STX16: variants seen among roughly 807,000 people sequenced by gnomAD.
STX16 encodes the protein syntaxin 16.
A neutral mutation model predicts 42.7 loss-of-function variants in STX16; 28 were observed. The observed-to-expected ratio is 0.66, with a 90% CI of 0.49 to 0.90. The LOEUF (loss-of-function observed/expected upper bound fraction) is 0.90, where lower values mean the gene tolerates loss of function less well. Among genes scored for constraint, STX16 ranks in the 40% least tolerant of loss-of-function variants. The pLI, the probability that STX16 is intolerant of heterozygous loss-of-function variation, is 0.00. For missense variants in STX16, 361 were observed against 420.9 expected (o/e 0.86, Z 1.24); for synonymous variants, 156 against 155.2 (o/e 1.00, Z -0.04).
rs910176347 is a variant in STX16 at position 58,671,136 on chromosome 20, T to A, written c.649-18T>A. 6.2e-7 allele frequency: 1 copy of A among 1,609,218 alleles called. No homozygotes were observed. The highest frequency in any genetic ancestry group is 2.2e-5 in the East Asian group (1 of 44,838). On this transcript the variant is annotated intron_variant, in intron 6 of 8. Coordinates refer to ENST00000371141, the MANE Select transcript of STX16 (RefSeq NM_001001433.3). ...AGGGAAAACAATCTATCCAACACAT[T>A]GTGCACTGTCTTGCTAGGGTTTTAC...
intron 5 of STX16, 78 bp from the exon 6 acceptor site, chr20:58,670,434 G>A (rs1284177127): frequency 8.4e-7 from 1 of 1,188,940 alleles, no homozygotes; most frequent in Admixed American, 1.8e-5. Flanking sequence ...GTTTACTCTA[G>A]AATTCCCCCT....
chr20:58,671,424 T>TTATG (rs1555843024), intron 7 of STX16, 127 bp downstream of exon 7: 2 of 569,996 alleles, frequency 3.5e-6, no homozygotes, highest in East Asian at 5.6e-5. Flanking sequence ...CACCTGTCCT[T>TTATG]TATGTGTGTG....
chr20:58,665,606 A>G (rs1178254402), intron 2 of STX16, among the ~76,000 whole-genome samples: 3 of 152,214 alleles, frequency 2.0e-5, no homozygotes, highest in East Asian at 1.9e-4. Context: ...AATGTCAAGA[A>G]TGTAAAATTC....
chr20:58,669,205 C>G, intron 4 of STX16, 86 bp from the exon 5 acceptor site: 2 of 1,443,226 alleles, frequency 1.4e-6, no homozygotes, highest in East Asian at 2.3e-5. Flanking sequence ...GAGCCTCTCA[C>G]TTCTCACTCT....
rs6123819 is a variant in STX16 at position 58,675,930 on chromosome 20, G to C, written c.874-257G>C. 0.66 allele frequency among the ~76,000 whole-genome samples: 100,333 copies of C among 152,112 alleles called. 34,018 individuals carry two copies. The highest frequency in any genetic ancestry group is 0.81 in the African/African-American group (33,776 of 41,508). On this transcript the variant is annotated intron_variant, in intron 8 of 8. Coordinates refer to ENST00000371141, the MANE Select transcript of STX16 (RefSeq NM_001001433.3). ...GCATGAGCTTTCACTTCCCTGTCAG[G>C]CTTTGTCTTAGTAGTAGGTTTCCAA...
chr20:58,672,091 G>A (rs2083991765), intron 7 of STX16, among the ~76,000 whole-genome samples: 1 of 152,050 alleles, frequency 6.6e-6, no homozygotes, highest in Non-Finnish European at 1.5e-5. Context: ...CCAGCACTTT[G>A]GGGGGCTGAG....
intron 8 of STX16, 67 bp downstream of exon 8, chr20:58,673,778 G>A: frequency 8.4e-7 from 1 of 1,189,022 alleles, no homozygotes; most frequent in Non-Finnish European, 1.2e-6. Flanking sequence ...TTGGTAAGAG[G>A]GTTCTTTTCC....
At chr20:58,671,057 T>A in intron 6 of STX16, 97 bp from the exon 7 acceptor site, 1 of 1,216,838 alleles carries the variant, frequency 8.2e-7, no homozygotes, top group South Asian at 2.0e-5. Context: ...TTCTTTAAAT[T>A]ATTTTCATTG....
chr20:58,656,469 T>C (rs948867635), intron 1 of STX16, among the ~76,000 whole-genome samples: 1 of 152,190 alleles, frequency 6.6e-6, no homozygotes. Context: ...CAAAACAAAT[T>C]GTAAAGTCAT....
intron 2 of STX16, among the ~76,000 whole-genome samples, chr20:58,663,566 G>A (rs1601015826): frequency 6.6e-6 from 1 of 152,282 alleles, no homozygotes; most frequent in East Asian, 1.9e-4. Context: ...GTAGTTCTTG[G>A]AGAGAGGAAC....
At position 58,664,504 on chromosome 20, in the gene STX16, T is replaced by C. The variant is rs150103561; in HGVS notation, c.145-2986T>C. On this transcript the variant is annotated intron_variant, in intron 2 of 8. Transcript: ENST00000371141. ...ACTCTGATACAATGTGTGGGAAAGC[T>C]AGTACCAGCTGAGCAGGCTGGCATC... Among the ~76,000 whole-genome samples the C allele has an allele frequency of 1.6e-3, 247 of 152,356 alleles. 1 individual carries two copies. Among genetic ancestry groups the C allele is most frequent in the African/African-American group, 5.7e-3 (235 of 41,584 alleles).
intron 1 of STX16, among the ~76,000 whole-genome samples, chr20:58,655,643 T>C (rs1375001132): frequency 6.6e-6 from 1 of 152,172 alleles, no homozygotes; most frequent in Non-Finnish European, 1.5e-5. Context: ...TAAAAAGTCT[T>C]TGCCTGTTAA....
chr20:58,675,259 G>C (rs1188677062), intron 8 of STX16, among the ~76,000 whole-genome samples: 2 of 152,306 alleles, frequency 1.3e-5, no homozygotes, highest in South Asian at 4.1e-4. Context: ...CCCACCGCGG[G>C]GGATGGAGCA....
intron 1 of STX16, 166 bp downstream of exon 1, chr20:58,652,304 T>C: frequency 9.7e-7 from 1 of 1,030,698 alleles, no homozygotes; most frequent in Non-Finnish European, 1.4e-6. Flanking sequence ...TAGCCCTGGA[T>C]GAGGAAGAAG....
At chr20:58,669,696 A>G (rs976218682) in intron 5 of STX16, among the ~76,000 whole-genome samples, 2 of 152,188 alleles carry the variant, frequency 1.3e-5, no homozygotes, top group Non-Finnish European at 2.9e-5. Context: ...CATCTCAGCA[A>G]ACAAAATTTG....
intron 8 of STX16, among the ~76,000 whole-genome samples, chr20:58,675,588 C>T (rs2084094110): frequency 6.6e-6 from 1 of 152,188 alleles, no homozygotes; most frequent in Non-Finnish European, 1.5e-5. Context: ...TTTGCTGTAT[C>T]GTTAGCGGCA....
rs1187531675 is a variant in STX16, at chr20:58,669,431, C to T, written c.534C>T (p.His178=). The T allele has an allele frequency of 3.2e-5, 52 of 1,611,474 alleles. No individual in the cohort carries two copies. The highest frequency in any genetic ancestry group is 2.7e-4 in the Admixed American group (16 of 59,522). The part of the protein sequence containing the change: ...ALQELSTSFR[H]AQSGYLKRMK... ...AGGAACTCTCCACCAGCTTCCGGCA[C>T]GCACAGTCAGGCTACCTCAAACGTG... Residue 178 remains histidine (H), a synonymous_variant, in exon 5 of 9, where the codon CAC becomes CAT. Coordinates refer to ENST00000371141, the MANE Select transcript of STX16 (RefSeq NM_001001433.3).
intron 7 of STX16, 108 bp downstream of exon 7, chr20:58,671,405 A>G: frequency 5.1e-6 from 5 of 972,648 alleles, no homozygotes; most frequent in South Asian, 3.3e-5. Flanking sequence ...TTTTCCCAAC[A>G]TGTGTGTGCA....
chr20:58,663,741 G>A (rs2083754159), intron 2 of STX16, among the ~76,000 whole-genome samples: 1 of 152,034 alleles, frequency 6.6e-6, no homozygotes, highest in Non-Finnish European at 1.5e-5. Context: ...ACATTGGCAC[G>A]ATCTTGGCTC....
Sources: allele counts gnomAD v4.1 joint callset (sites outside exome capture counted in the v4.1 genomes callset), GRCh38; gene constraint gnomAD v4.1.1; transcripts MANE v1.5; gene names NCBI Gene and HGNC (gene_info 2026-07-23, HGNC 2026-07-21).